The following WWOX variants were observed in gnomAD, a reference collection of about 807,000 sequenced individuals.
WWOX encodes the protein WW domain containing oxidoreductase.
A neutral mutation model predicts 46.2 loss-of-function variants in WWOX; 69 were observed. The observed-to-expected ratio is 1.49, with a 90% confidence interval of 1.23 to 1.82. The LOEUF is 1.82. Ranked by LOEUF, WWOX falls within the 40% of genes most tolerant of loss-of-function variation. The probability of loss-of-function intolerance (pLI) is 0.00; values close to 1 mark genes in which losing one functional copy is unlikely to be tolerated. For synonymous variants in WWOX, 359 were observed against 202.6 expected, an observed-to-expected ratio of 1.77 and a Z score of -6.56; for missense variants, 919 against 542.6, an observed-to-expected ratio of 1.69 and a Z score of -6.89.
intron 8 of WWOX, among the ~76,000 whole-genome samples, chr16:78,660,827 C>G (rs1184599759): frequency 6.6e-6 from 1 of 152,142 alleles, no homozygotes; most frequent in Non-Finnish European, 1.5e-5. Flanking sequence ...ATGCATGCAA[C>G]TGAGACTATT....
At chr16:79,134,330 G>T (rs748350009) in intron 8 of WWOX, among the ~76,000 whole-genome samples, 1 of 152,158 alleles carries the variant, frequency 6.6e-6, no homozygotes, top group Non-Finnish European at 1.5e-5. Context: ...GTAAAGAAAG[G>T]TGGATTTATT....
At position 78,425,328 on chromosome 16, in the gene WWOX, G is replaced by T. The variant is rs74423869; in HGVS notation, c.791+273G>T. Among the ~76,000 whole-genome samples, 1,997 of 152,244 alleles carry T rather than the reference G, an allele frequency of 0.013. 31 individuals carry two copies. The highest frequency in any genetic ancestry group is 0.046 in the African/African-American group (1,917 of 41,526). ...GCTTAGAGATGGAATAATAATTGAT[G>T]AAATCTGAATGGCATGACCTTTATT... is the stretch of plus-strand genomic sequence containing the variant. On this transcript the variant is annotated intron_variant, in intron 7 of 8. Coordinates refer to ENST00000566780, the MANE Select transcript of WWOX (RefSeq NM_016373.4).
At chr16:78,246,209 C>A (rs1050042147) in intron 5 of WWOX, among the ~76,000 whole-genome samples, 9 of 152,142 alleles carry the variant, frequency 5.9e-5, no homozygotes, top group African/African-American at 2.2e-4. Context: ...CTTAATGGCA[C>A]AGTTTGTTAT....
intron 8 of WWOX, among the ~76,000 whole-genome samples, chr16:78,800,012 C>T (rs1462371639): frequency 1.3e-5 from 2 of 152,060 alleles, no homozygotes; most frequent in Non-Finnish European, 2.9e-5. Context: ...TCTCTCCTTC[C>T]CCATTAAAAT....
At chr16:78,385,599 A>G (rs1280077028) in intron 5 of WWOX, among the ~76,000 whole-genome samples, 1 of 152,152 alleles carries the variant, frequency 6.6e-6, no homozygotes, top group Non-Finnish European at 1.5e-5. Flanking sequence ...GGCAGCCAAG[A>G]TAAACCAGCT....
At chr16:78,675,356 C>T (rs750206318) in intron 8 of WWOX, among the ~76,000 whole-genome samples, 18 of 152,148 alleles carry the variant, frequency 1.2e-4, no homozygotes, top group Non-Finnish European at 1.9e-4. Context: ...CTGTTCATAT[C>T]GTTCATCTAC....
intron 6 of WWOX, among the ~76,000 whole-genome samples, chr16:78,422,671 A>G (rs1269019820): frequency 1.5e-5 from 1 of 68,572 alleles, no homozygotes; most frequent in African/African-American, 6.3e-5. Context: ...ATGTATATAT[A>G]TATATATATA....
At chr16:78,802,946 C>A (rs7404923) in intron 8 of WWOX, among the ~76,000 whole-genome samples, 22,248 of 38,980 alleles carry the variant, frequency 0.57, 5,979 homozygotes, top group Middle Eastern at 0.77. Flanking sequence ...AAAAAAACAA[C>A]AAACAGAAAA....
chr16:78,575,865 TA>T (rs989698333), intron 8 of WWOX, among the ~76,000 whole-genome samples: 12 of 151,994 alleles, frequency 7.9e-5, no homozygotes, highest in Admixed American at 1.3e-4. Context: ...TTTAAACATG[TA>T]AAAAAATCAA....
intron 8 of WWOX, among the ~76,000 whole-genome samples, chr16:78,720,698 C>G (rs1022690921): frequency 2.6e-5 from 4 of 152,026 alleles, no homozygotes; most frequent in African/African-American, 7.3e-5. Context: ...TTTTATGATT[C>G]TGCAAGCGTG....
chr16:78,777,084 G>A (rs2050209322), intron 8 of WWOX, among the ~76,000 whole-genome samples: 2 of 152,200 alleles, frequency 1.3e-5, no homozygotes, highest in African/African-American at 4.8e-5. Flanking sequence ...AATTGGGAAT[G>A]AAGTTTAGGT....
intron 8 of WWOX, among the ~76,000 whole-genome samples, chr16:78,873,714 G>A (rs772536148): frequency 3.3e-5 from 5 of 152,102 alleles, no homozygotes; most frequent in African/African-American, 7.2e-5. Flanking sequence ...GCTTGAGGCC[G>A]GAAGTTCAAG....
chr16:78,163,739 A>G (rs1181615358), intron 4 of WWOX, among the ~76,000 whole-genome samples: 1 of 152,178 alleles, frequency 6.6e-6, no homozygotes, highest in African/African-American at 2.4e-5. Flanking sequence ...GGTGCTGGCG[A>G]CACTTACCAT....
At chr16:78,449,066 G>C (rs1346692081) in intron 8 of WWOX, among the ~76,000 whole-genome samples, 1 of 152,098 alleles carries the variant, frequency 6.6e-6, no homozygotes, top group African/African-American at 2.4e-5. Context: ...ATTATACCAG[G>C]TAACAATCTC....
intron 8 of WWOX, among the ~76,000 whole-genome samples, chr16:78,567,886 G>A (rs932080026): frequency 3.9e-5 from 6 of 152,134 alleles, no homozygotes; most frequent in African/African-American, 1.4e-4. Context: ...GTGTCTAATG[G>A]AACAGAAACA....
intron 6 of WWOX, among the ~76,000 whole-genome samples, chr16:78,417,700 G>A (rs2082830820): frequency 6.6e-6 from 1 of 152,150 alleles, no homozygotes; most frequent in Admixed American, 6.5e-5. Flanking sequence ...AGTAGATTCT[G>A]CTTTGATTTG....
chr16:78,905,745 A>T (rs886690688), intron 8 of WWOX, among the ~76,000 whole-genome samples: 6 of 152,216 alleles, frequency 3.9e-5, no homozygotes, highest in South Asian at 2.1e-4. Flanking sequence ...AGCCGATCAA[A>T]TGTGAGCAGA....
At chr16:78,180,475 G>C (rs2035495600) in intron 5 of WWOX, among the ~76,000 whole-genome samples, 1 of 152,092 alleles carries the variant, frequency 6.6e-6, no homozygotes, top group African/African-American at 2.4e-5. Flanking sequence ...CTGCACCCGA[G>C]ATATGGGGTA....
intron 8 of WWOX, among the ~76,000 whole-genome samples, chr16:79,017,675 A>C (rs1454940824): frequency 6.6e-6 from 1 of 152,064 alleles, no homozygotes; most frequent in Non-Finnish European, 1.5e-5. Context: ...TGAAATTTGA[A>C]TTCCATATGT....
Sources: gnomAD v4.1 joint callset for allele counts (sites outside exome capture counted in the v4.1 genomes callset) on GRCh38, gnomAD v4.1.1 for gene constraint, MANE v1.5 for transcripts, NCBI Gene and HGNC (gene_info 2026-07-23, HGNC 2026-07-21) for gene names.